The following MOXD1 variants were observed in gnomAD, a reference collection of about 807,000 sequenced individuals.
MOXD1 encodes DBH-like monooxygenase protein 1.
In MOXD1, 62 loss-of-function variants were observed where a neutral mutation model predicts 66.6. The observed-to-expected ratio is 0.93, with a 90% CI of 0.76 to 1.15. The LOEUF is 1.15. Ranked by LOEUF, MOXD1 falls within the 50% of genes most tolerant of loss-of-function variation. MOXD1 has a pLI of 0.00. For missense variants in MOXD1, 847 were observed against 754.6 expected (o/e 1.12, Z -1.44); for synonymous variants, 303 against 281.9 (o/e 1.07, Z -0.75).
At chr6:132,329,304 T>C (rs923856902) in intron 4 of MOXD1, among the ~76,000 whole-genome samples, 1 of 152,212 alleles carries the variant, frequency 6.6e-6, no homozygotes, top group African/African-American at 2.4e-5. Context: ...CACGAACTCA[T>C]CCGTTTTTAT....
At chr6:132,378,168 T>C (rs1232097009) in intron 1 of MOXD1, among the ~76,000 whole-genome samples, 1 of 152,134 alleles carries the variant, frequency 6.6e-6, no homozygotes, top group Non-Finnish European at 1.5e-5. Context: ...TTTCCAACTT[T>C]GAGGTCCTAT....
At position 132,322,685 on chromosome 6, in the gene MOXD1, G is replaced by A; in HGVS notation, c.1299C>T (p.Ile433=). The A allele has an allele frequency of 3.7e-6, 6 of 1,613,098 alleles. No homozygotes were observed. The highest frequency in any genetic ancestry group is 5.1e-6 in the Non-Finnish European group (6 of 1,179,470). ...EFQYLKEEQT[I]LPGDNLITEC... ...AGAACAAAAACATGCATACTGGTAA[G>A]ATTGTTTGTTCTTCCTTTAGATACT... Residue 433 remains isoleucine (I), a synonymous_variant, in exon 8 of 12, where the codon ATC becomes ATT. Transcript: ENST00000367963.
At chr6:132,348,573 C>A (rs1364010850) in intron 4 of MOXD1, among the ~76,000 whole-genome samples, 1 of 152,102 alleles carries the variant, frequency 6.6e-6, no homozygotes, top group Non-Finnish European at 1.5e-5. Context: ...TAAATATTCT[C>A]AGGTATGCAG....
At chr6:132,320,574 A>T in intron 9 of MOXD1, 55 bp downstream of exon 9, 8 of 1,416,386 alleles carry the variant, frequency 5.6e-6, no homozygotes, top group Non-Finnish European at 6.7e-6. Flanking sequence ...TCTAAAATCA[A>T]GTTTATTTCT....
intron 11 of MOXD1, among the ~76,000 whole-genome samples, 162 bp from the exon 12 acceptor site, chr6:132,297,479 A>G (rs577973129): frequency 6.6e-6 from 1 of 152,246 alleles, no homozygotes; most frequent in South Asian, 2.1e-4. Flanking sequence ...GTTAAGGAGG[A>G]AACAGAAAAG....
At chr6:132,312,905 C>T (rs1461537292) in intron 10 of MOXD1, among the ~76,000 whole-genome samples, 1 of 151,620 alleles carries the variant, frequency 6.6e-6, no homozygotes, top group East Asian at 1.9e-4. Flanking sequence ...AATTAACCAT[C>T]GATTAGAAAA....
intron 4 of MOXD1, among the ~76,000 whole-genome samples, chr6:132,333,551 C>T (rs966349140): frequency 2.0e-5 from 3 of 152,086 alleles, no homozygotes; most frequent in Admixed American, 6.5e-5. Context: ...ATTGGTATTC[C>T]TGACACTGGA....
At chr6:132,313,480 G>T (rs1342721464) in intron 10 of MOXD1, among the ~76,000 whole-genome samples, 1 of 152,182 alleles carries the variant, frequency 6.6e-6, no homozygotes, top group Non-Finnish European at 1.5e-5. Context: ...AAAAAGAGGA[G>T]TGGGTCTCAG....
chr6:132,393,151 A>AGTGTGTGTGTGT (rs60580838), intron 1 of MOXD1, among the ~76,000 whole-genome samples: 1,954 of 150,734 alleles, frequency 0.013, 32 homozygotes, highest in African/African-American at 0.032. Context: ...GAGTGGAGTG[A>AGTGTGTGTGTGT]GTGTGTGTGT....
chr6:132,386,623 G>GT (rs1776652128), intron 1 of MOXD1, among the ~76,000 whole-genome samples: 2 of 151,330 alleles, frequency 1.3e-5, no homozygotes, highest in Admixed American at 6.6e-5. Flanking sequence ...ACCTGAAAGT[G>GT]TAAATGCAAA....
At chr6:132,308,068 T>A (rs1774736313) in intron 10 of MOXD1, among the ~76,000 whole-genome samples, 1 of 142,954 alleles carries the variant, frequency 7.0e-6, no homozygotes, top group African/African-American at 2.7e-5. Flanking sequence ...AAAAAATCAA[T>A]GAATCCAGGA....
chr6:132,394,811 C>T (rs982326307), intron 1 of MOXD1, among the ~76,000 whole-genome samples: 1 of 152,070 alleles, frequency 6.6e-6, no homozygotes, highest in Non-Finnish European at 1.5e-5. Context: ...GCCTATATAA[C>T]ATCATAAAGT....
At chr6:132,369,071 A>G (rs1776209080) in intron 4 of MOXD1, among the ~76,000 whole-genome samples, 1 of 152,096 alleles carries the variant, frequency 6.6e-6, no homozygotes, top group South Asian at 2.1e-4. Flanking sequence ...AGATGATACA[A>G]TCCCTACATA....
chr6:132,314,001 A>G (rs1774887630), intron 10 of MOXD1, among the ~76,000 whole-genome samples: 1 of 152,224 alleles, frequency 6.6e-6, no homozygotes, highest in Non-Finnish European at 1.5e-5. Flanking sequence ...TTTCATTTTG[A>G]ATAGTAGTGA....
intron 4 of MOXD1, among the ~76,000 whole-genome samples, chr6:132,344,848 ACT>A (rs534577089): frequency 1.3e-4 from 20 of 152,088 alleles, no homozygotes; most frequent in African/African-American, 4.8e-4. Flanking sequence ...CTCGTGTCTC[ACT>A]CTCTGCTGAA....
intron 4 of MOXD1, among the ~76,000 whole-genome samples, chr6:132,341,599 G>T (rs1056249000): frequency 4.6e-5 from 7 of 152,100 alleles, no homozygotes; most frequent in Admixed American, 4.6e-4. Context: ...GACATTCAGG[G>T]CTCACTGTCA....
At chr6:132,382,421 CTCAG>C (rs745506509) in intron 1 of MOXD1, among the ~76,000 whole-genome samples, 27 of 152,034 alleles carry the variant, frequency 1.8e-4, no homozygotes, top group South Asian at 4.1e-4. Flanking sequence ...TTATGTGGCT[CTCAG>C]TCATATTCTA....
intron 4 of MOXD1, among the ~76,000 whole-genome samples, chr6:132,340,386 T>G (rs1775526493): frequency 6.6e-6 from 1 of 151,918 alleles, no homozygotes; most frequent in South Asian, 2.1e-4. Context: ...CAAATCTGGA[T>G]TAACCCATTT....
intron 1 of MOXD1, among the ~76,000 whole-genome samples, chr6:132,392,687 G>A (rs978801354): frequency 2.6e-5 from 4 of 152,122 alleles, no homozygotes; most frequent in East Asian, 1.9e-4. Context: ...AACTGACCTC[G>A]GCAGCATTCA....
Sources: gnomAD v4.1 joint callset for allele counts (sites outside exome capture counted in the v4.1 genomes callset) on GRCh38, gnomAD v4.1.1 for gene constraint, MANE v1.5 for transcripts, NCBI Gene and HGNC (gene_info 2026-07-23, HGNC 2026-07-21) for gene names.